Variants in NXPH1 observed in about 807,000 individuals in gnomAD.
NXPH1 encodes neurexophilin 1, also known as neurexophilin-1.
In NXPH1, 5 loss-of-function variants were observed where a neutral mutation model predicts 23.7. That is an observed-to-expected ratio of 0.21 (90% CI 0.11 to 0.44). The LOEUF (loss-of-function observed/expected upper bound fraction) is 0.44, where lower values mean the gene tolerates loss of function less well. NXPH1 is among the 20% of genes least tolerant of loss of function. The pLI is 0.99. For synonymous variants in NXPH1, 144 were observed against 122.2 expected (o/e 1.18, Z -1.18); for missense variants, 324 against 321.6 (o/e 1.01, Z -0.06).
chr7:8,547,173 T>C (rs1040582240), intron 2 of NXPH1, among the ~76,000 whole-genome samples: 6 of 151,500 alleles, frequency 4.0e-5, no homozygotes, highest in Admixed American at 6.6e-5. Flanking sequence ...CAAAAATTCC[T>C]GCACACAATC....
chr7:8,441,153 G>C (rs1442822665), intron 2 of NXPH1, among the ~76,000 whole-genome samples: 1 of 152,154 alleles, frequency 6.6e-6, no homozygotes, highest in Admixed American at 6.5e-5. Context: ...AGTCCTCGCC[G>C]TTCTAATTAA....
intron 2 of NXPH1, among the ~76,000 whole-genome samples, chr7:8,682,177 C>G (rs1335186038): frequency 6.6e-6 from 1 of 152,112 alleles, no homozygotes. Context: ...AATGTGGTTA[C>G]TTAGGGTCCT....
intron 2 of NXPH1, among the ~76,000 whole-genome samples, chr7:8,536,415 T>A (rs1335464557): frequency 6.6e-6 from 1 of 152,016 alleles, no homozygotes. Context: ...CTGTTGTTGT[T>A]TGCTGTTCTT....
At chr7:8,569,389 G>A (rs573609102) in intron 2 of NXPH1, among the ~76,000 whole-genome samples, 35 of 151,874 alleles carry the variant, frequency 2.3e-4, no homozygotes, top group African/African-American at 8.4e-4. Context: ...AGATAATCAA[G>A]GAAAAATAGA....
At chr7:8,684,209 T>G (rs1356249588) in intron 2 of NXPH1, among the ~76,000 whole-genome samples, 1 of 152,182 alleles carries the variant, frequency 6.6e-6, no homozygotes, top group East Asian at 1.9e-4. Flanking sequence ...GTCAGGCTAT[T>G]TCTGGGTTTG....
chr7:8,473,711 G>C (rs1051039209), intron 2 of NXPH1, among the ~76,000 whole-genome samples: 12 of 150,276 alleles, frequency 8.0e-5, no homozygotes, highest in Non-Finnish European at 1.3e-4. Context: ...ACAGTGATTT[G>C]AGGTAGACAT....
intron 2 of NXPH1, among the ~76,000 whole-genome samples, chr7:8,530,168 C>T (rs755028897): frequency 9.2e-5 from 14 of 152,046 alleles, no homozygotes; most frequent in Non-Finnish European, 1.3e-4. Context: ...GTGGACTTAC[C>T]CTATGGATGG....
At chr7:8,725,050 G>T (rs1780027788) in intron 2 of NXPH1, among the ~76,000 whole-genome samples, 1 of 152,222 alleles carries the variant, frequency 6.6e-6, no homozygotes, top group South Asian at 2.1e-4. Context: ...AATCTTGCAA[G>T]GGAGAAACAG....
chr7:8,623,200 C>T (rs1819910425), intron 2 of NXPH1, among the ~76,000 whole-genome samples: 2 of 152,034 alleles, frequency 1.3e-5, no homozygotes, highest in Non-Finnish European at 2.9e-5. Context: ...CAGGGCTCTG[C>T]AGGTGCAGAG....
intron 2 of NXPH1, among the ~76,000 whole-genome samples, chr7:8,603,420 G>GT (rs113680629): frequency 3.0e-4 from 45 of 151,820 alleles, no homozygotes; most frequent in African/African-American, 1.1e-3. Flanking sequence ...TTTTGTTTTT[G>GT]TTTTTTTGCT....
intron 2 of NXPH1, among the ~76,000 whole-genome samples, chr7:8,461,261 G>T (rs958108228): frequency 3.3e-5 from 5 of 152,048 alleles, no homozygotes; most frequent in African/African-American, 1.2e-4. Flanking sequence ...GATTCCAGTT[G>T]GCACAAATCC....
intron 2 of NXPH1, among the ~76,000 whole-genome samples, chr7:8,492,589 A>C (rs2128611382): frequency 6.6e-6 from 1 of 152,206 alleles, no homozygotes; most frequent in South Asian, 2.1e-4. Flanking sequence ...CATGGAGCTT[A>C]CACAATCAAC....
chr7:8,606,581 G>A (rs1176207330), intron 2 of NXPH1, among the ~76,000 whole-genome samples: 5 of 152,144 alleles, frequency 3.3e-5, no homozygotes, highest in African/African-American at 1.2e-4. Flanking sequence ...TTTCTGCCAG[G>A]CATTGGAAGT....
rs1816159811 is a variant in NXPH1 at position 8,434,798 on chromosome 7, G to C, written c.-111+43G>C. The stretch of plus-strand genomic sequence containing the variant: ...CCGCTGTTCCCGGAGGGTACACCTG[G>C]GAGCGGGGTGGTGGGCACGAGGAAG... On this transcript the variant is annotated intron_variant, in intron 1 of 2. Coordinates refer to ENST00000405863, the MANE Select transcript of NXPH1 (RefSeq NM_152745.3). This position sits in a 1 kb window ranked among gnomAD's most constrained non-coding sequence, Gnocchi z 7.6. 6.5e-6 allele frequency: 1 copy of C among 152,702 alleles called. No homozygotes were observed. 9.5% of individuals were successfully genotyped at this position (152,702 alleles called of 1,614,324 possible).
At chr7:8,635,406 T>C (rs184368096) in intron 2 of NXPH1, among the ~76,000 whole-genome samples, 5 of 152,330 alleles carry the variant, frequency 3.3e-5, no homozygotes, top group Admixed American at 3.3e-4. Context: ...CCTTTCTCTT[T>C]TTAGTGGTAT....
intron 2 of NXPH1, among the ~76,000 whole-genome samples, chr7:8,655,647 G>A (rs7791248): frequency 0.71 from 107,049 of 151,348 alleles, 38,588 homozygotes; most frequent in East Asian, 1. Flanking sequence ...GTTGATTATT[G>A]AAAGATTTTC....
At chr7:8,611,653 T>A (rs1562425513) in intron 2 of NXPH1, among the ~76,000 whole-genome samples, 3 of 152,116 alleles carry the variant, frequency 2.0e-5, no homozygotes, top group Non-Finnish European at 1.5e-5. Context: ...AGTTAAACCT[T>A]GTGGCATATT....
chr7:8,551,355 A>G (rs1818272500), intron 2 of NXPH1, among the ~76,000 whole-genome samples: 1 of 151,574 alleles, frequency 6.6e-6, no homozygotes, highest in Non-Finnish European at 1.5e-5. Flanking sequence ...TGGTTAAAGC[A>G]AAACATGCTA....
chr7:8,598,376 A>G (rs1361810739), intron 2 of NXPH1, among the ~76,000 whole-genome samples: 1 of 152,128 alleles, frequency 6.6e-6, no homozygotes, highest in African/African-American at 2.4e-5. Flanking sequence ...ATAGCTTAGT[A>G]TCCAATCTTC....
Sources: gnomAD v4.1 joint callset for allele counts (sites outside exome capture counted in the v4.1 genomes callset) on GRCh38, gnomAD v4.1.1 for gene constraint, Gnocchi (gnomAD v3.1) non-coding constraint, MANE v1.5 for transcripts, NCBI Gene and HGNC (gene_info 2026-07-23, HGNC 2026-07-21) for gene names.